UGT1A8: variants seen among roughly 807,000 people sequenced by gnomAD.
UGT1A8 encodes UDP glucuronosyltransferase family 1 member A8.
In UGT1A8, 39 loss-of-function variants were observed where a neutral mutation model predicts 45.3. The ratio of observed to expected loss-of-function variants is 0.86; its 90% CI spans 0.67 to 1.12. The LOEUF is 1.12. Ranked by LOEUF, UGT1A8 falls within the 50% of genes most tolerant of loss-of-function variation. The probability of loss-of-function intolerance (pLI) is 0.00; values close to 1 mark genes in which losing one functional copy is unlikely to be tolerated. For missense variants in UGT1A8, 719 were observed against 664.9 expected (o/e 1.08, Z -0.90); for synonymous variants, 275 against 249.2 (o/e 1.10, Z -0.97).
chr2:233,729,309 C>T, intron 1 of UGT1A8: 3 of 1,614,256 alleles, frequency 1.9e-6, no homozygotes, highest in Non-Finnish European at 2.5e-6. Context: ...CAGTGGTCCT[C>T]ACCCCAGAGG....
chr2:233,623,744 T>C (rs1390141319), intron 1 of UGT1A8, among the ~76,000 whole-genome samples: 2 of 152,126 alleles, frequency 1.3e-5, no homozygotes, highest in African/African-American at 4.8e-5. Flanking sequence ...CCATACGTTC[T>C]TGGCCAATTG....
At position 233,636,846 on chromosome 2, in the gene UGT1A8, A is replaced by G. The variant is rs779900136; in HGVS notation, c.855+18284A>G. ...CACAGGCACAAAGTATATTTTCTCTATTAATGAGTTCATCCAGTGGTTTTC... is the reference window on the plus strand; with the variant it reads ...CACAGGCACAAAGTATATTTTCTCTGTTAATGAGTTCATCCAGTGGTTTTC... On this transcript the variant is annotated intron_variant, in intron 1 of 4. Coordinates refer to ENST00000373450, the MANE Select transcript of UGT1A8 (RefSeq NM_019076.5). 6.2e-6 allele frequency: 10 copies of G among 1,614,054 alleles called. No homozygotes were observed. The African/African-American group carries it at 6.7e-5, about 11-fold the overall frequency.
At chr2:233,754,596 T>C (rs1463963826) in intron 1 of UGT1A8, 2 of 431,834 alleles carry the variant, frequency 4.6e-6, no homozygotes, top group Non-Finnish European at 9.3e-6. Context: ...TGAAGGACTT[T>C]AACTCAACTC....
At chr2:233,633,916 G>T (rs769741692) in intron 1 of UGT1A8, among the ~76,000 whole-genome samples, 1 of 152,098 alleles carries the variant, frequency 6.6e-6, no homozygotes, top group Non-Finnish European at 1.5e-5. Context: ...TTTGATTTTA[G>T]ATCTTTCCTG....
chr2:233,631,415 CTG>C (rs2073183567), intron 1 of UGT1A8, among the ~76,000 whole-genome samples: 1 of 152,202 alleles, frequency 6.6e-6, no homozygotes, highest in African/African-American at 2.4e-5. Flanking sequence ...AATCGCCACA[CTG>C]TCTTCCACAA....
At chr2:233,661,546 T>C (rs2073962962) in intron 1 of UGT1A8, among the ~76,000 whole-genome samples, 1 of 152,158 alleles carries the variant, frequency 6.6e-6, no homozygotes, top group East Asian at 1.9e-4. Context: ...GCATTTTTAA[T>C]ATGAGATAAA....
At chr2:233,748,600 T>C (rs1186894741) in intron 1 of UGT1A8, among the ~76,000 whole-genome samples, 2 of 151,760 alleles carry the variant, frequency 1.3e-5, no homozygotes, top group African/African-American at 4.9e-5. Flanking sequence ...TCAGTGGAAG[T>C]AGAGCAACGA....
At chr2:233,654,283 A>G (rs1476195142) in intron 1 of UGT1A8, among the ~76,000 whole-genome samples, 3 of 152,224 alleles carry the variant, frequency 2.0e-5, no homozygotes, top group Non-Finnish European at 4.4e-5. Context: ...GATTTCAGGG[A>G]GTTAGACCTT....
intron 1 of UGT1A8, among the ~76,000 whole-genome samples, chr2:233,677,356 T>C (rs2074388289): frequency 6.6e-6 from 1 of 152,160 alleles, no homozygotes; most frequent in Non-Finnish European, 1.5e-5. Flanking sequence ...AATGTGGGAA[T>C]GAAGGGGACC....
At chr2:233,726,824 AT>A (rs2077564743) in intron 1 of UGT1A8, among the ~76,000 whole-genome samples, 1 of 152,136 alleles carries the variant, frequency 6.6e-6, no homozygotes, top group Non-Finnish European at 1.5e-5. Context: ...CTATTCGACC[AT>A]TTAAATTTAA....
At chr2:233,700,177 G>A (rs567551124) in intron 1 of UGT1A8, among the ~76,000 whole-genome samples, 1 of 152,296 alleles carries the variant, frequency 6.6e-6, no homozygotes, top group Admixed American at 6.5e-5. Context: ...GCTCATTCAG[G>A]CTGAAATCTC....
At chr2:233,672,482 G>T (rs746547264) in intron 1 of UGT1A8, 2 of 1,613,912 alleles carry the variant, frequency 1.2e-6, no homozygotes, top group Non-Finnish European at 1.7e-6. Context: ...GGTGCACAGT[G>T]CCCTGCTCCT....
At chr2:233,759,599 A>ACC (rs1553620419) in intron 1 of UGT1A8, among the ~76,000 whole-genome samples, 7 of 108,662 alleles carry the variant, frequency 6.4e-5, no homozygotes, top group Admixed American at 1.0e-4. Context: ...CCCACCCCCG[A>ACC]CCCGCCCCAC....
intron 1 of UGT1A8, among the ~76,000 whole-genome samples, chr2:233,715,962 T>C (rs181027310): frequency 6.6e-5 from 10 of 152,310 alleles, no homozygotes; most frequent in Non-Finnish European, 1.2e-4. Flanking sequence ...GACTGACTGA[T>C]TGACTGATTG....
At chr2:233,637,943 A>G (rs768515264) in intron 1 of UGT1A8, among the ~76,000 whole-genome samples, 4 of 152,186 alleles carry the variant, frequency 2.6e-5, no homozygotes, top group Non-Finnish European at 4.4e-5. Context: ...TTTGGATACA[A>G]TGTAGTTTTT....
chr2:233,634,247 A>G (rs2073238910), intron 1 of UGT1A8, among the ~76,000 whole-genome samples: 1 of 152,152 alleles, frequency 6.6e-6, no homozygotes, highest in African/African-American at 2.4e-5. Flanking sequence ...TCAATTTTAG[A>G]ATAAGTGCAA....
chr2:233,726,986 T>C (rs749944838), intron 1 of UGT1A8, among the ~76,000 whole-genome samples: 1 of 152,226 alleles, frequency 6.6e-6, no homozygotes, highest in Non-Finnish European at 1.5e-5. Flanking sequence ...TTTGATGAGG[T>C]TCTTTCTAGC....
rs1321370763 is a variant in UGT1A8 at position 233,760,541 on chromosome 2, G to A, written c.856-6493G>A. 6.2e-7 allele frequency: 1 copy of A among 1,614,268 alleles called. No homozygotes were observed. Among genetic ancestry groups the A allele is most frequent in the Non-Finnish European group, 8.5e-7 (1 of 1,180,050 alleles). On this transcript the variant is annotated intron_variant, in intron 1 of 4. Coordinates refer to ENST00000373450, the MANE Select transcript of UGT1A8 (RefSeq NM_019076.5). ...AAGACGTACCCTGTGCCATTCCAAA[G>A]GGAGGATGTGAAAGAGTCTTTTGTT... is the stretch of plus-strand genomic sequence containing the variant.
chr2:233,636,601 A>C (rs750843376), intron 1 of UGT1A8: 2 of 1,614,094 alleles, frequency 1.2e-6, no homozygotes, highest in Non-Finnish European at 1.7e-6. Flanking sequence ...CGAGGCAGGG[A>C]AGCTGCTGGT....
Sources: gnomAD v4.1 joint callset for allele counts (sites outside exome capture counted in the v4.1 genomes callset) on GRCh38, gnomAD v4.1.1 for gene constraint, MANE v1.5 for transcripts, NCBI Gene and HGNC (gene_info 2026-07-23, HGNC 2026-07-21) for gene names.